Variants in ANKRD36 observed in about 807,000 individuals in gnomAD.
ANKRD36 encodes the protein ankyrin repeat domain-containing protein 36A.
ANKRD36 carries 179 observed loss-of-function variants against 278.1 expected under a neutral mutation model. The observed-to-expected ratio is 0.64, with a 90% CI of 0.57 to 0.73. ANKRD36 has a LOEUF of 0.73. ANKRD36 is among the 30% of genes least tolerant of loss of function. ANKRD36 has a pLI of 0.00. For synonymous variants in ANKRD36, 320 were observed against 641.1 expected (o/e 0.50, Z 7.57); for missense variants, 1,159 against 1,956.7 (o/e 0.59, Z 7.69).
intron 17 of ANKRD36, among the ~76,000 whole-genome samples, chr2:97,160,463 T>G (rs2048592803): frequency 6.6e-6 from 1 of 152,130 alleles, no homozygotes; most frequent in African/African-American, 2.4e-5. Flanking sequence ...GCACATAAAT[T>G]TATTCAGCTC....
intron 38 of ANKRD36, among the ~76,000 whole-genome samples, chr2:97,193,961 A>T (rs566748552): frequency 1.3e-5 from 2 of 151,826 alleles, no homozygotes; most frequent in Admixed American, 6.6e-5. Context: ...TTTCTGAATG[A>T]AAAACTGAGT....
At chr2:97,199,934 T>C (rs529533438) in intron 44 of ANKRD36, among the ~76,000 whole-genome samples, 1 of 151,986 alleles carries the variant, frequency 6.6e-6, no homozygotes, top group African/African-American at 2.4e-5. Flanking sequence ...AGTATAATGG[T>C]GTAAATCCTC....
At chr2:97,194,165 A>G (rs1370406648) in intron 38 of ANKRD36, among the ~76,000 whole-genome samples, 2 of 151,674 alleles carry the variant, frequency 1.3e-5, no homozygotes, top group African/African-American at 4.8e-5. Context: ...AATGAATATT[A>G]TCTACTAGGT....
intron 12 of ANKRD36, among the ~76,000 whole-genome samples, chr2:97,149,857 G>T (rs1383129426): frequency 1.3e-5 from 2 of 151,358 alleles, no homozygotes; most frequent in Non-Finnish European, 2.9e-5. Context: ...CTGTATTTTT[G>T]CAGAGCTATT....
chr2:97,199,037 T>C (rs1340972101), intron 44 of ANKRD36, among the ~76,000 whole-genome samples: 1 of 151,916 alleles, frequency 6.6e-6, no homozygotes, highest in Non-Finnish European at 1.5e-5. Flanking sequence ...GACAGAAAGC[T>C]TGTTGTAACA....
At chr2:97,220,565 A>G (rs2153648814) in intron 66 of ANKRD36, among the ~76,000 whole-genome samples, 2 of 151,556 alleles carry the variant, frequency 1.3e-5, no homozygotes, top group South Asian at 4.3e-4. Context: ...TGCGAATGAG[A>G]GGATCTTATT....
chr2:97,212,784 T>C (rs1438575062), intron 58 of ANKRD36: 1 of 169,120 alleles, frequency 5.9e-6, no homozygotes. Context: ...GAAGAAACTT[T>C]CAGAAGGCTA....
At chr2:97,219,662 G>A (rs1319088288) in intron 66 of ANKRD36, among the ~76,000 whole-genome samples, 3 of 141,912 alleles carry the variant, frequency 2.1e-5, no homozygotes, top group African/African-American at 8.2e-5. Flanking sequence ...TGTATTTTTA[G>A]TAGAGACAGG....
At chr2:97,177,242 G>A (rs2054538709) in intron 22 of ANKRD36, among the ~76,000 whole-genome samples, 1 of 151,866 alleles carries the variant, frequency 6.6e-6, no homozygotes, top group African/African-American at 2.4e-5. Context: ...CGTGAAAATG[G>A]CCATACTGCC....
intron 44 of ANKRD36, among the ~76,000 whole-genome samples, 197 bp downstream of exon 44, chr2:97,198,855 C>T (rs1379251378): frequency 6.6e-6 from 1 of 151,738 alleles, no homozygotes; most frequent in Non-Finnish European, 1.5e-5. Flanking sequence ...AGATTATACA[C>T]TTCCCCACAT....
rs538697168 is a variant in ANKRD36 at position 97,226,947 on chromosome 2, G to A, written c.3951+2068G>A. ...GATCAGATAGTTGTAGATATGCGGC[G>A]TTATTTCTGATGGCTCTGTTCTGTT... On this transcript the variant is annotated intron_variant, in intron 67 of 75. Coordinates refer to ENST00000420699, the MANE Select transcript of ANKRD36 (RefSeq NM_001354587.1). Among the ~76,000 whole-genome samples, 15 of 152,082 alleles carry A rather than the reference G, an allele frequency of 9.9e-5. No homozygotes were observed. The East Asian group carries it at 1.4e-3, about 14-fold the overall frequency.
chr2:97,240,116 T>TTA (rs1553481999), intron 68 of ANKRD36, among the ~76,000 whole-genome samples: 7 of 104,014 alleles, frequency 6.7e-5, no homozygotes, highest in African/African-American at 2.9e-4. Context: ...TGTGTTTTTT[T>TTA]AAAAAAAAAC....
chr2:97,210,819 T>C (rs1429194942), intron 56 of ANKRD36, among the ~76,000 whole-genome samples: 1 of 151,872 alleles, frequency 6.6e-6, no homozygotes. Flanking sequence ...CAGTTTTACT[T>C]TGAAGAAGTA....
Position 97,215,857 on chromosome 2 carries a change from G to C in ANKRD36, c.3673+360G>C. On this transcript the variant is annotated intron_variant, in intron 62 of 75. Coordinates refer to ENST00000420699, the MANE Select transcript of ANKRD36 (RefSeq NM_001354587.1). ...GATATTATAGGCGTCAGATCATATT[G>C]TTATAAACAGAGGGAAAAGTGATCC... is the stretch of plus-strand genomic sequence containing the variant. The C allele has an allele frequency of 1.6e-5, 9 of 571,438 alleles. No individual in the cohort carries two copies. In the South Asian group the frequency reaches 2.1e-4, roughly 13 times the overall value. The allele number at this position is 571,438 out of a possible 1,614,324, so 35.4% of individuals were successfully genotyped here. A position where few individuals can be genotyped will look rare whatever the true frequency, so the allele number is the denominator to read the frequency against.
chr2:97,211,991 A>G (rs191600626), intron 58 of ANKRD36, among the ~76,000 whole-genome samples: 1 of 152,000 alleles, frequency 6.6e-6, no homozygotes, highest in Admixed American at 6.6e-5. Context: ...TTCAACACAT[A>G]ACAGGCTCAG....
At chr2:97,204,698 AC>A (rs1254315217) in intron 50 of ANKRD36, among the ~76,000 whole-genome samples, 3 of 151,646 alleles carry the variant, frequency 2.0e-5, no homozygotes, top group African/African-American at 7.2e-5. Flanking sequence ...TGGTGTAGCA[AC>A]AGTTTTCCTA....
At chr2:97,123,120 G>A (rs563095080) in intron 4 of ANKRD36, 127 bp downstream of exon 4, 4 of 753,276 alleles carry the variant, frequency 5.3e-6, no homozygotes, top group Non-Finnish European at 8.0e-6. Flanking sequence ...GATATAGTGA[G>A]AAATAACACA....
intron 6 of ANKRD36, among the ~76,000 whole-genome samples, chr2:97,141,082 G>T (rs1377637158): frequency 6.6e-6 from 1 of 151,404 alleles, no homozygotes; most frequent in African/African-American, 2.4e-5. Context: ...CTTTAGGAAA[G>T]CTGTGTTGGC....
intron 67 of ANKRD36, among the ~76,000 whole-genome samples, chr2:97,227,448 A>G (rs970088987): frequency 1.3e-5 from 2 of 152,098 alleles, no homozygotes; most frequent in Non-Finnish European, 2.9e-5. Context: ...GGTGTATAAG[A>G]ATGCTTATGA....
Sources: gnomAD v4.1 joint callset for allele counts (sites outside exome capture counted in the v4.1 genomes callset) on GRCh38, gnomAD v4.1.1 for gene constraint, MANE v1.5 for transcripts, NCBI Gene and HGNC (gene_info 2026-07-23, HGNC 2026-07-21) for gene names.